The following TACC1 variants were observed in gnomAD, a reference collection of about 807,000 sequenced individuals.
TACC1 encodes transforming acidic coiled-coil-containing protein 1.
TACC1 carries 48 observed loss-of-function variants against 84.4 expected under a neutral mutation model. The ratio of observed to expected loss-of-function variants is 0.57; its 90% CI spans 0.45 to 0.72. The LOEUF is 0.72. TACC1 is among the 30% of genes least tolerant of loss of function. The pLI is 0.00. For missense variants in TACC1, 920 were observed against 973.0 expected (o/e 0.95, Z 0.72); for synonymous variants, 372 against 376.3 (o/e 0.99, Z 0.13).
Position 38,787,422 on chromosome 8 carries a change from G to T in TACC1, c.-161G>T. The T allele has an allele frequency of 1.5e-6, 2 of 1,349,028 alleles. No homozygotes were observed. Among genetic ancestry groups the T allele is most frequent in the East Asian group, 3.1e-5 (1 of 31,978 alleles). The allele number at this position is 1,349,028 out of a possible 1,614,324, so 83.6% of individuals were successfully genotyped here. ...GCGCCGGCTGCCGGCGGGAGGAAGC[G>T]CTCCACCAGGGCCCCCGACGGCACT... is the stretch of plus-strand genomic sequence containing the variant. On this transcript the variant is annotated 5_prime_UTR_variant, in exon 1 of 13. Transcript: ENST00000317827.
At chr8:38,807,374 A>G (rs1267594553) in intron 2 of TACC1, among the ~76,000 whole-genome samples, 1 of 152,214 alleles carries the variant, frequency 6.6e-6, no homozygotes, top group African/African-American at 2.4e-5. Flanking sequence ...ATGTGAGAAT[A>G]CAGGAGACTT....
At position 38,820,153 on chromosome 8, in the gene TACC1, C is replaced by T. The variant is rs370004023; in HGVS notation, c.909C>T (p.Asn303=). The change falls in exon 3 of 13, where the codon AAC becomes AAT. Residue 303 remains asparagine, a synonymous_variant. Coordinates refer to ENST00000317827, the MANE Select transcript of TACC1 (RefSeq NM_006283.3). ...ETPGTLSSDT[N]DSGVELGEES... is the part of the protein sequence containing the mutation. ...CCGGCACTCTCAGTAGTGACACCAACGACTCAGGGGTTGAGCTGGGGGAGG... is the reference window on the plus strand; with the variant it reads ...CCGGCACTCTCAGTAGTGACACCAATGACTCAGGGGTTGAGCTGGGGGAGG... 19 of 1,614,034 alleles carry T rather than the reference C, an allele frequency of 1.2e-5. No homozygotes were observed. The highest frequency in any genetic ancestry group is 1.1e-4 in the African/African-American group (8 of 74,904).
At chr8:38,803,473 A>C (rs1190643788) in intron 2 of TACC1, among the ~76,000 whole-genome samples, 1 of 152,134 alleles carries the variant, frequency 6.6e-6, no homozygotes, top group Non-Finnish European at 1.5e-5. Context: ...ATCATAAAAG[A>C]GTGTTGGATT....
intron 3 of TACC1, among the ~76,000 whole-genome samples, chr8:38,748,005 C>G (rs1029173756): frequency 6.6e-6 from 1 of 151,978 alleles, no homozygotes; most frequent in Admixed American, 6.6e-5. Context: ...AGCTGTGAAT[C>G]TAAAACTGCT....
chr8:38,774,916 C>T (rs984412712), intron 3 of TACC1, among the ~76,000 whole-genome samples: 2 of 148,212 alleles, frequency 1.3e-5, no homozygotes, highest in African/African-American at 2.5e-5. Flanking sequence ...GAGGCTGAAG[C>T]AGGAGAATCG....
intron 3 of TACC1, among the ~76,000 whole-genome samples, chr8:38,773,258 G>A (rs1252860334): frequency 1.3e-5 from 2 of 151,812 alleles, no homozygotes; most frequent in Non-Finnish European, 2.9e-5. Flanking sequence ...ATTGGAAAGT[G>A]GAGTTGTGGC....
chr8:38,754,350 G>A (rs1809612767), intron 3 of TACC1, among the ~76,000 whole-genome samples: 1 of 152,140 alleles, frequency 6.6e-6, no homozygotes, highest in African/African-American at 2.4e-5. Flanking sequence ...GTCTACCAGA[G>A]AAGGAAAACT....
At chr8:38,758,139 A>G (rs748670627) in intron 3 of TACC1, among the ~76,000 whole-genome samples, 5 of 152,180 alleles carry the variant, frequency 3.3e-5, no homozygotes, top group Non-Finnish European at 7.4e-5. Context: ...ATTGGAATGC[A>G]TGCGTGTTTT....
At chr8:38,787,052 C>T (rs999456804), upstream of TACC1, among the ~76,000 whole-genome samples, 1 of 151,704 alleles carries the variant, frequency 6.6e-6, no homozygotes, top group African/African-American at 2.4e-5. Context: ...AAGCCCCGGC[C>T]CTCAGTCGGG....
At position 38,758,398 on chromosome 8, in the gene TACC1, C is replaced by G. The variant is rs879911534; in HGVS notation, c.26+12905C>G. Among the ~76,000 whole-genome samples the G allele has an allele frequency of 1.8e-4, 28 of 152,200 alleles. 1 individual carries two copies. The highest frequency in any genetic ancestry group is 1.2e-3 in the Admixed American group (19 of 15,288). ...GCTTATTAATAAGAATAGCTGACGCCGGGCGTGGTTGGCTCACGCCTGTAA... is the reference window on the plus strand; with the variant it reads ...GCTTATTAATAAGAATAGCTGACGCGGGGCGTGGTTGGCTCACGCCTGTAA... On this transcript the variant is annotated intron_variant, in intron 3 of 14. Coordinates refer to the TACC1 transcript ENST00000518415.
intron 5 of TACC1, among the ~76,000 whole-genome samples, 179 bp from the exon 6 acceptor site, chr8:38,830,946 G>A (rs1192218509): frequency 6.6e-6 from 1 of 152,244 alleles, no homozygotes; most frequent in Non-Finnish European, 1.5e-5. Flanking sequence ...TCTTCTGAAT[G>A]TCATGGACTT....
chr8:38,821,746 A>G (rs1826863367), intron 3 of TACC1, among the ~76,000 whole-genome samples: 3 of 152,212 alleles, frequency 2.0e-5, no homozygotes, highest in Admixed American at 2.0e-4. Flanking sequence ...GTAGATGATA[A>G]TACAATCATA....
intron 2 of TACC1, chr8:38,802,266 G>A (rs1214873873): frequency 6.6e-6 from 1 of 152,234 alleles, no homozygotes; most frequent in African/African-American, 2.4e-5. Flanking sequence ...GTAAAGCAGG[G>A]GTCCCCAACC....
intron 2 of TACC1, among the ~76,000 whole-genome samples, chr8:38,795,442 A>G (rs1168459899): frequency 6.6e-6 from 1 of 152,230 alleles, no homozygotes; most frequent in African/African-American, 2.4e-5. Flanking sequence ...TGGCAGAGAC[A>G]CTTTCTACCT....
rs35760071 is a variant in TACC1, at chr8:38,794,562, TTGTG to T, written c.277+5758_277+5761del. Among the ~76,000 whole-genome samples the T allele has an allele frequency of 1.2e-3, 179 of 150,482 alleles. 1 individual carries two copies. The highest frequency in any genetic ancestry group is 3.6e-3 in the African/African-American group (149 of 40,904). Reference sequence around the variant, plus strand: ...AGACTGCACGTGTGTGTGTGTTTGTTTGTGTGTGTGTGTGTGTGCGTGCTATAGA... The same window carrying T: ...AGACTGCACGTGTGTGTGTGTTTGTTTGTGTGTGTGTGTGCGTGCTATAGA... On this transcript the variant is annotated intron_variant, in intron 2 of 12. Coordinates refer to ENST00000317827, the MANE Select transcript of TACC1 (RefSeq NM_006283.3).
chr8:38,744,290 A>G (rs930336356), intron 2 of TACC1, among the ~76,000 whole-genome samples: 1 of 151,796 alleles, frequency 6.6e-6, no homozygotes, highest in African/African-American at 2.4e-5. Flanking sequence ...CTTTTTTTGT[A>G]TTTTTAGTAG....
At chr8:38,821,968 C>T (rs1826914409) in intron 3 of TACC1, among the ~76,000 whole-genome samples, 2 of 152,122 alleles carry the variant, frequency 1.3e-5, no homozygotes, top group Non-Finnish European at 1.5e-5. Context: ...CACCTGTAAT[C>T]CCAACACTTT....
At chr8:38,756,253 T>A (rs1009941759) in intron 3 of TACC1, among the ~76,000 whole-genome samples, 1 of 152,030 alleles carries the variant, frequency 6.6e-6, no homozygotes, top group Non-Finnish European at 1.5e-5. Flanking sequence ...GCCCACTGTG[T>A]GCCAAGCATG....
intron 3 of TACC1, among the ~76,000 whole-genome samples, chr8:38,748,193 T>TA (rs1400655677): frequency 1.3e-5 from 2 of 151,452 alleles, no homozygotes; most frequent in Admixed American, 6.6e-5. Flanking sequence ...AATAGATTTC[T>TA]AAAAAAAAGT....
Sources: allele counts gnomAD v4.1 joint callset (sites outside exome capture counted in the v4.1 genomes callset), GRCh38; gene constraint gnomAD v4.1.1; transcripts MANE v1.5; gene names NCBI Gene and HGNC (gene_info 2026-07-23, HGNC 2026-07-21).